Variants in ARAP2 observed in about 807,000 individuals in gnomAD.
ARAP2 encodes arf-GAP with Rho-GAP domain, ANK repeat and PH domain-containing protein 2.
ARAP2 carries 148 observed loss-of-function variants against 194.5 expected under a neutral mutation model. The ratio of observed to expected loss-of-function variants is 0.76; its 90% CI spans 0.67 to 0.87. The LOEUF (loss-of-function observed/expected upper bound fraction) is 0.87. Among genes scored for constraint, ARAP2 ranks in the 40% least tolerant of loss-of-function variants. ARAP2 has a pLI of 0.00. For synonymous variants in ARAP2, 695 were observed against 683.5 expected (o/e 1.02, Z -0.26); for missense variants, 2,128 against 1,989.7 (o/e 1.07, Z -1.32).
At chr4:36,143,768 C>T (rs1728923642) in intron 19 of ARAP2, among the ~76,000 whole-genome samples, 1 of 151,792 alleles carries the variant, frequency 6.6e-6, no homozygotes, top group African/African-American at 2.4e-5. Context: ...CCTCACATTT[C>T]TCCCACTCCT....
At chr4:36,088,522 C>T (rs1712560814) in intron 28 of ARAP2, among the ~76,000 whole-genome samples, 1 of 152,068 alleles carries the variant, frequency 6.6e-6, no homozygotes, top group Admixed American at 6.6e-5. Context: ...CCCACACAGA[C>T]TCCCTTCTGG....
rs114300291 is a variant in ARAP2 at position 36,171,748 on chromosome 4, T to G, written c.1858-4701A>C. Among the ~76,000 whole-genome samples, 505 of 152,284 alleles carry G rather than the reference T, an allele frequency of 3.3e-3. 1 individual carries two copies. The highest frequency in any genetic ancestry group is 0.014 in the Middle Eastern group (4 of 294). ...AGGACTAGCTAGCTCTTGTTATTATTATTTTTATTTTATACCTTTTGAATT... is the reference window on the plus strand; with the variant it reads ...AGGACTAGCTAGCTCTTGTTATTATGATTTTTATTTTATACCTTTTGAATT... On this transcript the variant is annotated intron_variant, in intron 9 of 32. Transcript: ENST00000303965.
rs768092006 is a variant in ARAP2, at chr4:36,210,388, A to G, written c.1487+2T>C. On this transcript the variant is annotated splice_donor_variant, in intron 6 of 32. Coordinates refer to ENST00000303965, the MANE Select transcript of ARAP2 (RefSeq NM_015230.4). LOFTEE classifies it high-confidence loss of function. ...TTATGAAATAAATGCATACGTACAT[A>G]CCCTTGAGGAGAGAGTTTATCCAGC... The G allele has an allele frequency of 6.3e-7, 1 of 1,599,538 alleles. No homozygotes were observed. Among genetic ancestry groups the G allele is most frequent in the Non-Finnish European group, 8.5e-7 (1 of 1,174,104 alleles).
intron 19 of ARAP2, among the ~76,000 whole-genome samples, chr4:36,145,459 T>C (rs1422974605): frequency 6.6e-6 from 1 of 152,080 alleles, no homozygotes; most frequent in Admixed American, 6.6e-5. Flanking sequence ...TACTCACTTA[T>C]AAGTGGGAGT....
chr4:36,174,704 A>G (rs1453227297), intron 9 of ARAP2, among the ~76,000 whole-genome samples: 6 of 152,186 alleles, frequency 3.9e-5, no homozygotes, highest in African/African-American at 1.4e-4. Context: ...CAAGCAACCT[A>G]AGTAATGGCC....
chr4:36,181,521 C>A (rs1739247385), intron 8 of ARAP2, among the ~76,000 whole-genome samples: 1 of 152,104 alleles, frequency 6.6e-6, no homozygotes, highest in Non-Finnish European at 1.5e-5. Flanking sequence ...TACATAAGGG[C>A]CATGCAAAAC....
chr4:36,124,501 T>C (rs1241186380), intron 22 of ARAP2, among the ~76,000 whole-genome samples: 1 of 151,832 alleles, frequency 6.6e-6, no homozygotes, highest in Admixed American at 6.6e-5. Flanking sequence ...TACCAAAATA[T>C]AAAGGTCAGG....
intron 16 of ARAP2, 85 bp downstream of exon 16, chr4:36,150,815 A>T (rs1730789137): frequency 2.1e-6 from 3 of 1,435,858 alleles, no homozygotes; most frequent in African/African-American, 2.9e-5. Flanking sequence ...CAACTAAAGA[A>T]CTAAAATGAT....
At position 36,193,641 on chromosome 4, in the gene ARAP2, G is replaced by C; in HGVS notation, c.1494C>G (p.Arg498=). ...WLDKLSPQGK[R]MFQKRWVKFD... is the part of the protein sequence containing the mutation. ...ATTTCACCCATCTCTTTTGAAACAT[G>C]CGTTTTCTGCAAAACATATGAAATT... The change falls in exon 7 of 33, where the codon CGC becomes CGG. Residue 498 remains arginine, a synonymous_variant. Coordinates refer to ENST00000303965, the MANE Select transcript of ARAP2 (RefSeq NM_015230.4). The C allele has an allele frequency of 6.2e-7, 1 of 1,600,584 alleles. No individual in the cohort carries two copies. Among genetic ancestry groups the C allele is most frequent in the South Asian group, 1.1e-5 (1 of 87,522 alleles).
downstream of ARAP2, among the ~76,000 whole-genome samples, chr4:36,064,667 G>C (rs1725100082): frequency 6.6e-6 from 1 of 152,220 alleles, no homozygotes. Flanking sequence ...GGAGGGACAG[G>C]TCAGGATAGG....
At chr4:36,021,583 G>A (rs555659426) in intron 5 of ARAP2, among the ~76,000 whole-genome samples, 58 of 152,262 alleles carry the variant, frequency 3.8e-4, no homozygotes, top group Admixed American at 3.5e-3. Context: ...ATGATTGTAA[G>A]CTTCCAGAGG....
intron 3 of ARAP2, among the ~76,000 whole-genome samples, chr4:36,048,467 T>G (rs1722169004): frequency 6.6e-6 from 1 of 152,212 alleles, no homozygotes; most frequent in East Asian, 1.9e-4. Context: ...CATGTGGTAT[T>G]TGGTCTTCTG....
At chr4:36,184,074 C>T (rs969931350) in intron 8 of ARAP2, among the ~76,000 whole-genome samples, 1 of 152,088 alleles carries the variant, frequency 6.6e-6, no homozygotes, top group African/African-American at 2.4e-5. Context: ...AGTCCTTAAG[C>T]CACTCTAGTT....
In ARAP2 at chr4:36,177,893, T is replaced by A. The variant is rs1738339076; in HGVS notation, c.1791A>T (p.Arg597Ser). 6.2e-7 allele frequency: 1 copy of A among 1,613,542 alleles called. No individual in the cohort carries two copies. Among genetic ancestry groups the A allele is most frequent in the Non-Finnish European group, 8.5e-7 (1 of 1,179,710 alleles). Reference sequence around the variant, plus strand: ...CAGTAAAAATTTTTGCCTTATAGCCTCTCAATTCAAGATATCCACATTTCT... The same window carrying A: ...CAGTAAAAATTTTTGCCTTATAGCCACTCAATTCAAGATATCCACATTTCT... ...TPEKCGYLEL[R>S]GYKAKIFTVL... Residue 597 changes from arginine (R) to serine (S), a missense_variant, in exon 9 of 33, where the codon AGA (arginine) becomes AGT (serine). Transcript: ENST00000303965.
At chr4:36,230,274 C>A (rs1379547435) in intron 1 of ARAP2, among the ~76,000 whole-genome samples, 1 of 152,162 alleles carries the variant, frequency 6.6e-6, no homozygotes, top group Non-Finnish European at 1.5e-5. Flanking sequence ...AAAGAATGTT[C>A]TTTTGACTTT....
intron 8 of ARAP2, among the ~76,000 whole-genome samples, chr4:36,183,016 T>C (rs1322176135): frequency 6.6e-6 from 1 of 152,148 alleles, no homozygotes; most frequent in Non-Finnish European, 1.5e-5. Context: ...AAACCAGACT[T>C]GGGGCCCCAC....
chr4:36,069,637 G>T (rs540459140), intron 32 of ARAP2, among the ~76,000 whole-genome samples: 1 of 152,090 alleles, frequency 6.6e-6, no homozygotes, highest in Non-Finnish European at 1.5e-5. Flanking sequence ...AGTTCTCATC[G>T]TCTTTCAACC....
intron 1 of ARAP2, among the ~76,000 whole-genome samples, chr4:36,241,436 A>C (rs1258179494): frequency 6.6e-6 from 1 of 152,186 alleles, no homozygotes; most frequent in African/African-American, 2.4e-5. Flanking sequence ...ATTAAGCAAC[A>C]CTACTCGCTC....
At chr4:36,120,480 T>A (rs562846088) in intron 23 of ARAP2, among the ~76,000 whole-genome samples, 1 of 151,748 alleles carries the variant, frequency 6.6e-6, no homozygotes, top group Non-Finnish European at 1.5e-5. Context: ...GGAAAACAAC[T>A]GGACTCATAA....
Sources: allele counts gnomAD v4.1 joint callset (sites outside exome capture counted in the v4.1 genomes callset), GRCh38; gene constraint gnomAD v4.1.1; transcripts MANE v1.5; gene names NCBI Gene and HGNC (gene_info 2026-07-23, HGNC 2026-07-21).